Variants in SORCS2 observed in about 807,000 individuals in gnomAD.
The protein encoded by SORCS2 is sortilin related VPS10 domain containing receptor 2.
In SORCS2, 100 loss-of-function variants were observed where a neutral mutation model predicts 141.6. The observed-to-expected ratio is 0.71, with a 90% CI of 0.60 to 0.83. The LOEUF is 0.83. Among genes scored for constraint, SORCS2 ranks in the 40% least tolerant of loss-of-function variants. The pLI is 0.00. For missense variants in SORCS2, 1,646 were observed against 1,560.2 expected, an observed-to-expected ratio of 1.05 and a Z score of -0.93; for synonymous variants, 789 against 676.9, an observed-to-expected ratio of 1.17 and a Z score of -2.57.
At chr4:7,338,966 A>T (rs1215374397) in intron 1 of SORCS2, among the ~76,000 whole-genome samples, 1 of 152,178 alleles carries the variant, frequency 6.6e-6, no homozygotes, top group African/African-American at 2.4e-5. Flanking sequence ...AAACCCCAGG[A>T]TACCCAGCAA....
chr4:7,264,020 G>A (rs958111410), intron 1 of SORCS2, among the ~76,000 whole-genome samples: 2 of 152,152 alleles, frequency 1.3e-5, no homozygotes, highest in African/African-American at 4.8e-5. Context: ...TGTGTGCCAG[G>A]CCGAGTGCCA....
intron 26 of SORCS2, among the ~76,000 whole-genome samples, chr4:7,738,542 C>A (rs914977815): frequency 6.6e-6 from 1 of 152,182 alleles, no homozygotes; most frequent in Non-Finnish European, 1.5e-5. Context: ...TCGGCACACA[C>A]CTCTCACCGT....
At chr4:7,546,657 G>A (rs771143661) in intron 3 of SORCS2, among the ~76,000 whole-genome samples, 75 of 152,202 alleles carry the variant, frequency 4.9e-4, no homozygotes, top group Non-Finnish European at 1.9e-4. Flanking sequence ...CGGTGATGGT[G>A]GGCCCCTGCC....
intron 2 of SORCS2, among the ~76,000 whole-genome samples, chr4:7,503,134 C>T (rs781079255): frequency 6.6e-6 from 1 of 152,068 alleles, no homozygotes. Flanking sequence ...AAAATATATC[C>T]ATCTGTATGT....
chr4:7,313,835 T>C (rs1248707649), intron 1 of SORCS2, among the ~76,000 whole-genome samples: 1 of 152,176 alleles, frequency 6.6e-6, no homozygotes, highest in Non-Finnish European at 1.5e-5. Context: ...CCAGCCTCTG[T>C]GACTTGGTCC....
chr4:7,599,147 C>T (rs909693240), intron 3 of SORCS2, among the ~76,000 whole-genome samples: 28 of 151,870 alleles, frequency 1.8e-4, no homozygotes, highest in Admixed American at 1.5e-3. Context: ...TTCTCATGGC[C>T]GCCCTGCAAG....
At chr4:7,517,241 C>T (rs1011578366) in intron 2 of SORCS2, among the ~76,000 whole-genome samples, 1 of 152,188 alleles carries the variant, frequency 6.6e-6, no homozygotes, top group Admixed American at 6.5e-5. Context: ...TTTTGGATTC[C>T]ATAACATCTT....
chr4:7,305,237 T>G (rs1349309026), intron 1 of SORCS2, among the ~76,000 whole-genome samples: 2 of 152,188 alleles, frequency 1.3e-5, no homozygotes, highest in Admixed American at 6.5e-5. Flanking sequence ...TTCACCGTGT[T>G]AGCCAGGATG....
At chr4:7,335,807 G>A (rs548328040) in intron 1 of SORCS2, among the ~76,000 whole-genome samples, 34 of 152,358 alleles carry the variant, frequency 2.2e-4, no homozygotes, top group African/African-American at 8.2e-4. Flanking sequence ...ACAGGCCCAA[G>A]TGGCTTAGAT....
chr4:7,543,638 G>A (rs543748350), intron 3 of SORCS2, among the ~76,000 whole-genome samples: 2,296 of 19,220 alleles, frequency 0.12, 63 homozygotes, highest in African/African-American at 0.28. Context: ...CCACCCATCC[G>A]TCCATCCGTC....
intron 1 of SORCS2, among the ~76,000 whole-genome samples, chr4:7,372,493 A>G (rs4689109): frequency 0.59 from 88,614 of 151,312 alleles, 26,125 homozygotes; most frequent in Non-Finnish European, 0.6. Flanking sequence ...TTTTCAGTAG[A>G]GACGGGGTTT....
chr4:7,353,125 G>A (rs768594357), intron 1 of SORCS2, among the ~76,000 whole-genome samples: 27 of 152,210 alleles, frequency 1.8e-4, no homozygotes, highest in Non-Finnish European at 2.6e-4. Flanking sequence ...GGAGGATGGA[G>A]TCAGCCACCA....
intron 1 of SORCS2, among the ~76,000 whole-genome samples, chr4:7,330,466 C>G (rs1378316080): frequency 6.6e-6 from 1 of 151,774 alleles, no homozygotes; most frequent in Non-Finnish European, 1.5e-5. Context: ...CCCCCACGCA[C>G]ACCCCTGACG....
intron 2 of SORCS2, among the ~76,000 whole-genome samples, chr4:7,424,139 C>A (rs1451087912): frequency 6.6e-6 from 1 of 152,192 alleles, no homozygotes; most frequent in Non-Finnish European, 1.5e-5. Flanking sequence ...TTGTTCCTGG[C>A]CATGTGTGAA....
chr4:7,314,526 A>G (rs1257291582), intron 1 of SORCS2, among the ~76,000 whole-genome samples: 1 of 151,810 alleles, frequency 6.6e-6, no homozygotes, highest in Non-Finnish European at 1.5e-5. Context: ...TTTTTAGTGG[A>G]GATGGGGTTT....
chr4:7,425,797 A>G (rs1726393860), intron 2 of SORCS2, among the ~76,000 whole-genome samples: 1 of 152,238 alleles, frequency 6.6e-6, no homozygotes, highest in Admixed American at 6.5e-5. Flanking sequence ...TCGCTGGAGA[A>G]ACGAGGAAGG....
intron 3 of SORCS2, among the ~76,000 whole-genome samples, chr4:7,586,820 A>T (rs1005922751): frequency 7.2e-5 from 11 of 151,744 alleles, no homozygotes; most frequent in Admixed American, 4.6e-4. Flanking sequence ...TGTCCTTGAA[A>T]CCTGTATCTT....
intron 3 of SORCS2, among the ~76,000 whole-genome samples, chr4:7,560,142 C>T (rs1231249837): frequency 6.6e-6 from 1 of 152,202 alleles, no homozygotes; most frequent in African/African-American, 2.4e-5. Context: ...GCCAAGCCCA[C>T]GGAAATGGCT....
At chr4:7,675,903 G>C (rs1183970048) in intron 8 of SORCS2, 147 bp from the exon 9 acceptor site, 1 of 801,314 alleles carries the variant, frequency 1.2e-6, no homozygotes, top group East Asian at 2.7e-5. Context: ...GCCCAGAGCA[G>C]CCGAGCCAGG....
Sources: allele counts gnomAD v4.1 joint callset (sites outside exome capture counted in the v4.1 genomes callset), GRCh38; gene constraint gnomAD v4.1.1; transcripts MANE v1.5; gene names NCBI Gene and HGNC (gene_info 2026-07-23, HGNC 2026-07-21).